The following FAP variants were observed in gnomAD, a reference collection of about 807,000 sequenced individuals.
FAP encodes the protein prolyl endopeptidase FAP.
A neutral mutation model predicts 126.5 loss-of-function variants in FAP; 110 were observed. That is an observed-to-expected ratio of 0.87 (90% CI 0.74 to 1.02). The LOEUF (loss-of-function observed/expected upper bound fraction) is 1.02. Ranked by LOEUF, FAP falls within the 50% of genes least tolerant of loss-of-function variation. The probability of loss-of-function intolerance (pLI) is 0.00; values close to 1 mark genes in which losing one functional copy is unlikely to be tolerated. For synonymous variants in FAP, 334 were observed against 297.3 expected (o/e 1.12, Z -1.27); for missense variants, 919 against 909.2 (o/e 1.01, Z -0.14).
chr2:162,215,931 T>C lies in FAP; in HGVS notation c.833A>G (p.Gln278Arg), dbSNP rs749922046. The C allele has an allele frequency of 3.7e-6, 6 of 1,613,954 alleles. No homozygotes were observed. The African/African-American group carries it at 8.0e-5, about 22-fold the overall frequency. ...DTTYPAYVGP[Q>R]EVPVPAMIAS... is the part of the protein sequence containing the mutation. ...TATCATTGCTGGAACAGGCACTTCC[T>C]GGGGACCTACATACGCAGGGTAAGT... Residue 278 changes from glutamine to arginine, a missense_variant, in exon 10 of 26, where the codon CAG (glutamine) becomes CGG (arginine). Gln to Arg is a conservative substitution (Grantham distance 43). Transcript: ENST00000188790.
chr2:162,223,591 A>G lies in FAP; in HGVS notation c.413+17T>C. On this transcript the variant is annotated intron_variant, in intron 6 of 25. Transcript: ENST00000188790. ...GGTATTAGATTTAAGTAGTATTAAT[A>G]AACAGAGGTGATTTACCCATTGCTA... 3.3e-6 allele frequency: 5 copies of G among 1,500,580 alleles called. No homozygotes were observed. Among genetic ancestry groups the G allele is most frequent in the Non-Finnish European group, 4.6e-6 (5 of 1,077,134 alleles). 93.0% of individuals were successfully genotyped at this position (1,500,580 alleles called of 1,614,324 possible).
chr2:162,182,842 C>T (rs1236698246), intron 21 of FAP, among the ~76,000 whole-genome samples: 15 of 152,164 alleles, frequency 9.9e-5, no homozygotes, highest in Admixed American at 9.8e-4. Flanking sequence ...TTCAAAATAG[C>T]TCCTCAAGTG....
chr2:162,181,697 A>G (rs1180908845), intron 21 of FAP, among the ~76,000 whole-genome samples: 1 of 152,190 alleles, frequency 6.6e-6, no homozygotes, highest in Non-Finnish European at 1.5e-5. Flanking sequence ...TTGCTGAGCC[A>G]TTGCTTATTT....
At chr2:162,233,675 T>A (rs1480155767) in intron 2 of FAP, among the ~76,000 whole-genome samples, 1 of 152,198 alleles carries the variant, frequency 6.6e-6, no homozygotes, top group Non-Finnish European at 1.5e-5. Flanking sequence ...GGTAGTCTTT[T>A]CACTCTTTAA....
chr2:162,234,236 C>CA (rs1232080725), intron 2 of FAP, among the ~76,000 whole-genome samples: 5 of 151,812 alleles, frequency 3.3e-5, no homozygotes, highest in Non-Finnish European at 5.9e-5. Context: ...TCACTTTCTG[C>CA]AAAAAAAGAA....
intron 21 of FAP, among the ~76,000 whole-genome samples, chr2:162,181,002 C>T (rs928392374): frequency 6.6e-6 from 1 of 152,032 alleles, no homozygotes; most frequent in Non-Finnish European, 1.5e-5. Flanking sequence ...AGGCCGGATG[C>T]GGTAGCTCAT....
chr2:162,237,289 T>C (rs1380503206), intron 2 of FAP, among the ~76,000 whole-genome samples: 3 of 152,200 alleles, frequency 2.0e-5, no homozygotes, highest in African/African-American at 7.2e-5. Context: ...TACATAGATA[T>C]TATATGTGCC....
intron 2 of FAP, among the ~76,000 whole-genome samples, chr2:162,231,016 C>A (rs551997003): frequency 1.3e-5 from 2 of 152,220 alleles, no homozygotes; most frequent in African/African-American, 4.8e-5. Flanking sequence ...ATGTAAATGG[C>A]CTCCTTTAAT....
chr2:162,174,833 G>T, intron 22 of FAP, 34 bp downstream of exon 22: 1 of 1,451,376 alleles, frequency 6.9e-7, no homozygotes, highest in Non-Finnish European at 9.7e-7. Context: ...CGTGTTAAAT[G>T]CTTTCACAGT....
At chr2:162,210,290 G>A (rs1688875409) in intron 11 of FAP, among the ~76,000 whole-genome samples, 1 of 152,126 alleles carries the variant, frequency 6.6e-6, no homozygotes, top group Non-Finnish European at 1.5e-5. Context: ...CACTTGATGT[G>A]GTGTAGGTAA....
At chr2:162,175,732 T>G (rs1027153207) in intron 21 of FAP, 8 of 152,144 alleles carry the variant, frequency 5.3e-5, no homozygotes, top group Non-Finnish European at 1.2e-4. Context: ...TGGGATCCTG[T>G]TAAGAGAAAG....
chr2:162,207,266 C>T (rs1004755242), intron 12 of FAP, among the ~76,000 whole-genome samples: 3 of 152,122 alleles, frequency 2.0e-5, no homozygotes, highest in African/African-American at 7.2e-5. Flanking sequence ...ATTAATAATC[C>T]ATTTAAAGCA....
chr2:162,189,976 T>C (rs1687983048), intron 17 of FAP, among the ~76,000 whole-genome samples: 1 of 152,000 alleles, frequency 6.6e-6, no homozygotes, highest in Non-Finnish European at 1.5e-5. Context: ...TAACTAATTC[T>C]AATAGCATCA....
intron 1 of FAP, 121 bp from the exon 2 acceptor site, chr2:162,243,113 A>C: frequency 1.1e-6 from 1 of 877,044 alleles, no homozygotes; most frequent in Non-Finnish European, 1.8e-6. Flanking sequence ...ATTGTTTTCC[A>C]CTGATCCGGC....
intron 2 of FAP, among the ~76,000 whole-genome samples, chr2:162,230,101 A>C (rs960008087): frequency 6.6e-6 from 1 of 152,126 alleles, no homozygotes; most frequent in Non-Finnish European, 1.5e-5. Context: ...TAGAAAGTGT[A>C]ATTATGTTGA....
intron 2 of FAP, among the ~76,000 whole-genome samples, chr2:162,235,333 T>C (rs890532520): frequency 1.3e-5 from 2 of 152,222 alleles, no homozygotes; most frequent in East Asian, 3.9e-4. Flanking sequence ...CAGCTCCACC[T>C]GCGGCTCCGG....
intron 12 of FAP, among the ~76,000 whole-genome samples, chr2:162,207,752 C>G (rs945195892): frequency 6.6e-6 from 1 of 151,000 alleles, no homozygotes; most frequent in African/African-American, 2.4e-5. Flanking sequence ...GCTCTGTCGC[C>G]CAAGCCAGAG....
intron 24 of FAP, 128 bp from the exon 25 acceptor site, chr2:162,173,012 TC>T: frequency 9.1e-7 from 1 of 1,097,730 alleles, no homozygotes; most frequent in Non-Finnish European, 1.4e-6. Context: ...CAGTGAGTAA[TC>T]ACACTCAGAT....
At chr2:162,207,714 A>ATT (rs549071406) in intron 12 of FAP, among the ~76,000 whole-genome samples, 5,226 of 141,730 alleles carry the variant, frequency 0.037, 325 homozygotes, top group African/African-American at 0.13. Flanking sequence ...CACTGAGGGC[A>ATT]TTTTTTTTTT....
Sources: gnomAD v4.1 joint callset for allele counts (sites outside exome capture counted in the v4.1 genomes callset) on GRCh38, gnomAD v4.1.1 for gene constraint, MANE v1.5 for transcripts, NCBI Gene and HGNC (gene_info 2026-07-23, HGNC 2026-07-21) for gene names.